Variants in PCSK2 observed in about 807,000 individuals in gnomAD.
PCSK2 encodes the protein neuroendocrine convertase 2.
Under a neutral mutation model 69.7 loss-of-function variants are expected in PCSK2, and 14 were observed. That is an observed-to-expected ratio of 0.20 (90% CI 0.13 to 0.31). The LOEUF (loss-of-function observed/expected upper bound fraction) is 0.31. Among genes scored for constraint, PCSK2 ranks in the 10% least tolerant of loss-of-function variants. The pLI, the probability that PCSK2 is intolerant of heterozygous loss-of-function variation, is 1.00. For synonymous variants in PCSK2, 307 were observed against 320.7 expected (o/e 0.96, Z 0.46); for missense variants, 544 against 842.5 (o/e 0.65, Z 4.39).
chr20:17,299,008 A>G (rs1988989594), intron 2 of PCSK2, among the ~76,000 whole-genome samples: 1 of 152,228 alleles, frequency 6.6e-6, no homozygotes, highest in Non-Finnish European at 1.5e-5. Flanking sequence ...ACAAATATTT[A>G]ACCTATAATA....
intron 5 of PCSK2, among the ~76,000 whole-genome samples, chr20:17,370,229 C>T (rs1053987148): frequency 5.9e-5 from 9 of 152,184 alleles, no homozygotes; most frequent in African/African-American, 2.2e-4. Context: ...ATTGAAGAGA[C>T]TCATATTTAG....
rs2031439100 is a variant in PCSK2, at chr20:17,393,563, AT to A, written c.544-15692del. Among the ~76,000 whole-genome samples, 3 of 152,110 alleles carry A rather than the reference AT, an allele frequency of 2.0e-5. No homozygotes were observed. The South Asian group carries it at 6.2e-4, about 32-fold the overall frequency. On this transcript the variant is annotated intron_variant, in intron 5 of 11. Coordinates refer to ENST00000262545, the MANE Select transcript of PCSK2 (RefSeq NM_002594.5). ...TCTTCAAAAAGATGAATATTTTTAA[AT>A]TTTTTTTCTTTTTTTTCAATCACTA...
chr20:17,363,092 C>A (rs1031402112), intron 4 of PCSK2, among the ~76,000 whole-genome samples: 4 of 152,246 alleles, frequency 2.6e-5, no homozygotes, highest in African/African-American at 7.2e-5. Context: ...CAGATGCCAA[C>A]CCTGATACCT....
chr20:17,262,709 A>AC (rs1204980239), intron 2 of PCSK2, among the ~76,000 whole-genome samples: 1 of 152,198 alleles, frequency 6.6e-6, no homozygotes, highest in African/African-American at 2.4e-5. Flanking sequence ...GAGTAGGAAT[A>AC]CCCCAATTTG....
chr20:17,482,248 A>C lies in PCSK2; in HGVS notation c.*178A>C. ...CATTACAATGGAAACAATCTTTTTT[A>C]CTCTATGCCCCAAATATAGCGTTCC... On this transcript the variant is annotated 3_prime_UTR_variant, in exon 12 of 12. Coordinates refer to ENST00000262545, the MANE Select transcript of PCSK2 (RefSeq NM_002594.5). The C allele has an allele frequency of 1.8e-6, 1 of 545,682 alleles. No individual in the cohort carries two copies. The highest frequency in any genetic ancestry group is 3.1e-6 in the Non-Finnish European group (1 of 325,828). The allele number at this position is 545,682 out of a possible 1,614,324, so 33.8% of individuals were successfully genotyped here.
At chr20:17,458,298 C>A (rs773597194) in intron 10 of PCSK2, among the ~76,000 whole-genome samples, 1 of 152,076 alleles carries the variant, frequency 6.6e-6, no homozygotes, top group Non-Finnish European at 1.5e-5. Flanking sequence ...GTAGGGGAAA[C>A]AAGTTAGGGA....
At chr20:17,464,025 T>G (rs893987911) in intron 10 of PCSK2, 1 of 152,240 alleles carries the variant, frequency 6.6e-6, no homozygotes, top group Admixed American at 6.5e-5. Flanking sequence ...CTGTATTATG[T>G]GCAGTGCATA....
chr20:17,462,681 C>G (rs1247878069), intron 10 of PCSK2, among the ~76,000 whole-genome samples: 1 of 152,214 alleles, frequency 6.6e-6, no homozygotes, highest in East Asian at 1.9e-4. Flanking sequence ...GTGGTAGACA[C>G]TCAACAGACA....
chr20:17,478,507 A>T (rs1301063827), intron 11 of PCSK2, among the ~76,000 whole-genome samples: 1 of 151,960 alleles, frequency 6.6e-6, no homozygotes, highest in Non-Finnish European at 1.5e-5. Context: ...ACTTTAAATT[A>T]AAAAAAATCG....
chr20:17,405,342 T>A (rs1473155597), intron 5 of PCSK2, among the ~76,000 whole-genome samples: 2 of 152,210 alleles, frequency 1.3e-5, no homozygotes, highest in East Asian at 1.9e-4. Flanking sequence ...CACAGAGGCA[T>A]TAAATTCCAG....
chr20:17,251,145 A>G (rs1309744469), intron 1 of PCSK2, among the ~76,000 whole-genome samples: 1 of 152,186 alleles, frequency 6.6e-6, no homozygotes, highest in East Asian at 1.9e-4. Flanking sequence ...GCTTCCTGCA[A>G]TAAGAAACAA....
intron 1 of PCSK2, among the ~76,000 whole-genome samples, chr20:17,243,438 G>C (rs1273578233): frequency 6.6e-6 from 1 of 150,990 alleles, no homozygotes; most frequent in African/African-American, 2.5e-5. Flanking sequence ...GGGCTCAAAT[G>C]ATCCTCCTGT....
chr20:17,475,365 A>G (rs745766389), intron 11 of PCSK2, among the ~76,000 whole-genome samples: 3 of 151,892 alleles, frequency 2.0e-5, no homozygotes, highest in Admixed American at 2.0e-4. Context: ...CACTATCACT[A>G]TCTACCAAAA....
At chr20:17,447,222 G>A (rs534049037) in intron 8 of PCSK2, among the ~76,000 whole-genome samples, 67 of 148,512 alleles carry the variant, frequency 4.5e-4, no homozygotes, top group Non-Finnish European at 7.5e-4. Flanking sequence ...AATAAGTCGA[G>A]ATCACACCAT....
intron 2 of PCSK2, among the ~76,000 whole-genome samples, chr20:17,311,427 A>T (rs1989508231): frequency 6.6e-6 from 1 of 152,070 alleles, no homozygotes; most frequent in African/African-American, 2.4e-5. Context: ...ATCCCAATAG[A>T]AGCAATTAAG....
At chr20:17,424,487 G>A (rs572847917) in intron 6 of PCSK2, among the ~76,000 whole-genome samples, 17 of 152,168 alleles carry the variant, frequency 1.1e-4, no homozygotes, top group South Asian at 8.3e-4. Context: ...TTCTTGGCGC[G>A]GAGGGGGTTG....
chr20:17,321,449 TG>T (rs1424900775), intron 2 of PCSK2, among the ~76,000 whole-genome samples: 2 of 152,374 alleles, frequency 1.3e-5, no homozygotes, highest in Non-Finnish European at 2.9e-5. Context: ...AGTTTTACTG[TG>T]TGTAGACTCT....
chr20:17,393,505 C>T (rs921332056), intron 5 of PCSK2, among the ~76,000 whole-genome samples: 4 of 152,028 alleles, frequency 2.6e-5, no homozygotes, highest in African/African-American at 9.7e-5. Context: ...CCCTATTATA[C>T]TTCAACTCTT....
intron 2 of PCSK2, among the ~76,000 whole-genome samples, chr20:17,353,748 C>A (rs2030094505): frequency 6.6e-6 from 1 of 152,148 alleles, no homozygotes; most frequent in Non-Finnish European, 1.5e-5. Context: ...AACCTAGGTA[C>A]CCATCAAAGG....
Sources: gnomAD v4.1 joint callset for allele counts (sites outside exome capture counted in the v4.1 genomes callset) on GRCh38, gnomAD v4.1.1 for gene constraint, MANE v1.5 for transcripts, NCBI Gene and HGNC (gene_info 2026-07-23, HGNC 2026-07-21) for gene names.